SH2D4B: variants seen among roughly 807,000 people sequenced by gnomAD.
SH2D4B encodes the protein SH2 domain containing 4B.
A neutral mutation model predicts 61.5 loss-of-function variants in SH2D4B; 45 were observed. The ratio of observed to expected loss-of-function variants is 0.73; its 90% CI spans 0.58 to 0.94. The LOEUF is 0.94. Among genes scored for constraint, SH2D4B ranks in the 40% least tolerant of loss-of-function variants. The pLI is 0.00. For synonymous variants in SH2D4B, 224 were observed against 220.4 expected (o/e 1.02, Z -0.14); for missense variants, 572 against 574.2 (o/e 1.00, Z 0.04).
At position 80,538,561 on chromosome 10, in the gene SH2D4B, G is replaced by A. The variant is rs372613288; in HGVS notation, c.184+46G>A. 8.4e-6 allele frequency: 11 copies of A among 1,315,668 alleles called. No individual in the cohort carries two copies. Among genetic ancestry groups the A allele is most frequent in the Non-Finnish European group, 1.1e-5 (11 of 1,023,178 alleles). The allele number at this position is 1,315,668 out of a possible 1,614,324, so 81.5% of individuals were successfully genotyped here. ...GAGAGGTAGGCCACCAGTCCCCCAGGAGGTAGAAAAATTAGCAGGGCCAGG... is the reference window on the plus strand; with the variant it reads ...GAGAGGTAGGCCACCAGTCCCCCAGAAGGTAGAAAAATTAGCAGGGCCAGG... On this transcript the variant is annotated intron_variant, in intron 1 of 7. Coordinates refer to ENST00000646907, the MANE Select transcript of SH2D4B (RefSeq NM_001388272.1). The surrounding 1 kb of genome is among the most constrained non-coding windows in gnomAD (Gnocchi z 4.8).
intron 5 of SH2D4B, among the ~76,000 whole-genome samples, chr10:80,606,851 A>G (rs975023740): frequency 3.9e-5 from 6 of 152,222 alleles, no homozygotes; most frequent in Non-Finnish European, 1.5e-5. Flanking sequence ...CAAATTGGAA[A>G]AAGCGCAAAG....
At chr10:80,636,037 G>A (rs1376106117) in intron 7 of SH2D4B, among the ~76,000 whole-genome samples, 1 of 152,158 alleles carries the variant, frequency 6.6e-6, no homozygotes, top group Admixed American at 6.5e-5. Flanking sequence ...CTATGAGTGA[G>A]AACATGCGGT....
chr10:80,573,180 G>A (rs927559214), intron 3 of SH2D4B, among the ~76,000 whole-genome samples: 1 of 146,976 alleles, frequency 6.8e-6, no homozygotes, highest in African/African-American at 2.5e-5. Flanking sequence ...TAGTAGAGAC[G>A]GGGTTTTGTG....
intron 3 of SH2D4B, among the ~76,000 whole-genome samples, chr10:80,573,738 A>G (rs1393370581): frequency 1.3e-5 from 2 of 152,178 alleles, no homozygotes; most frequent in Admixed American, 6.5e-5. Context: ...AAATTTTAAC[A>G]TCTGTTAAGG....
chr10:80,567,389 C>T (rs1046637014), intron 1 of SH2D4B, among the ~76,000 whole-genome samples: 8 of 152,192 alleles, frequency 5.3e-5, no homozygotes, highest in Non-Finnish European at 8.8e-5. Flanking sequence ...CCACACATTT[C>T]ATTCTTCTCC....
chr10:80,560,383 T>C (rs1378895282), intron 1 of SH2D4B, among the ~76,000 whole-genome samples: 1 of 151,872 alleles, frequency 6.6e-6, no homozygotes, highest in Non-Finnish European at 1.5e-5. Context: ...TTTTTTTTTT[T>C]TTGAGACAGA....
At chr10:80,632,550 C>T (rs1842844221) in intron 6 of SH2D4B, among the ~76,000 whole-genome samples, 1 of 152,164 alleles carries the variant, frequency 6.6e-6, no homozygotes, top group Non-Finnish European at 1.5e-5. Context: ...GCTTGAGGTG[C>T]TTGGAGTGGG....
chr10:80,560,393 A>G (rs1841889620), intron 1 of SH2D4B, among the ~76,000 whole-genome samples: 1 of 148,018 alleles, frequency 6.8e-6, no homozygotes, highest in Admixed American at 6.7e-5. Context: ...TTTGAGACAG[A>G]GTCTTGTTTT....
At chr10:80,545,798 A>C (rs568701142) in intron 1 of SH2D4B, among the ~76,000 whole-genome samples, 94 of 152,274 alleles carry the variant, frequency 6.2e-4, no homozygotes, top group Non-Finnish European at 1.3e-3. Flanking sequence ...TTTTTGAGTG[A>C]AAGGCTGTGT....
At chr10:80,570,096 G>T in intron 1 of SH2D4B, 58 bp from the exon 2 acceptor site, 1 of 1,603,648 alleles carries the variant, frequency 6.2e-7, no homozygotes, top group African/African-American at 1.3e-5. Flanking sequence ...GGCAGCTTAG[G>T]TCATTCCTTA....
At chr10:80,575,006 T>G (rs1214294176) in intron 3 of SH2D4B, among the ~76,000 whole-genome samples, 1 of 152,108 alleles carries the variant, frequency 6.6e-6, no homozygotes, top group East Asian at 1.9e-4. Context: ...TGGCCTCTTG[T>G]GAGTTTTTAA....
chr10:80,542,304 C>A (rs879920160), intron 1 of SH2D4B, among the ~76,000 whole-genome samples: 1 of 152,054 alleles, frequency 6.6e-6, no homozygotes, highest in African/African-American at 2.4e-5. Context: ...GTTCTCAGGG[C>A]CAGAGCTGGG....
At chr10:80,622,823 G>C (rs2132153750) in intron 6 of SH2D4B, among the ~76,000 whole-genome samples, 1 of 152,314 alleles carries the variant, frequency 6.6e-6, no homozygotes, top group Non-Finnish European at 1.5e-5. Context: ...TCTTGTGTTA[G>C]TGGTTTATTC....
intron 6 of SH2D4B, among the ~76,000 whole-genome samples, chr10:80,630,480 A>G (rs1842818551): frequency 6.6e-6 from 1 of 152,184 alleles, no homozygotes; most frequent in Non-Finnish European, 1.5e-5. Flanking sequence ...GGGATATCCA[A>G]GACAGTCTCC....
At chr10:80,629,862 C>A (rs1842810495) in intron 6 of SH2D4B, among the ~76,000 whole-genome samples, 2 of 152,302 alleles carry the variant, frequency 1.3e-5, no homozygotes, top group East Asian at 3.9e-4. Flanking sequence ...CTCAAGGCTA[C>A]CCATGGAACA....
chr10:80,643,965 G>A (rs1840352126), intron 7 of SH2D4B, 28 bp from the exon 8 acceptor site: 2 of 1,581,164 alleles, frequency 1.3e-6, no homozygotes, highest in Non-Finnish European at 1.7e-6. Flanking sequence ...TTGATTATAA[G>A]TGGATTTTCC....
intron 3 of SH2D4B, among the ~76,000 whole-genome samples, chr10:80,572,631 C>CT (rs974781938): frequency 4.9e-4 from 74 of 151,410 alleles, no homozygotes; most frequent in African/African-American, 1.7e-3. Context: ...CCTTTCTTTT[C>CT]TTTTTTGAGA....
chr10:80,574,555 C>A (rs1226920101), intron 3 of SH2D4B, among the ~76,000 whole-genome samples: 2 of 151,844 alleles, frequency 1.3e-5, no homozygotes, highest in Admixed American at 1.3e-4. Context: ...GATCCACAGC[C>A]TGTGGTTGAG....
chr10:80,641,645 T>C (rs1458909965), intron 7 of SH2D4B, among the ~76,000 whole-genome samples: 2 of 152,254 alleles, frequency 1.3e-5, no homozygotes, highest in African/African-American at 4.8e-5. Flanking sequence ...TGTTTGCTTT[T>C]CCTGTATAAT....
Sources: allele counts gnomAD v4.1 joint callset (sites outside exome capture counted in the v4.1 genomes callset), GRCh38; gene constraint gnomAD v4.1.1; non-coding constraint Gnocchi (gnomAD v3.1); transcripts MANE v1.5; gene names NCBI Gene and HGNC (gene_info 2026-07-23, HGNC 2026-07-21).